Variants in CSMD3 observed in about 807,000 individuals in gnomAD.
The protein encoded by CSMD3 is CUB and Sushi multiple domains 3, also known as CUB and sushi domain-containing protein 3.
CSMD3 carries 177 observed loss-of-function variants against 435.2 expected under a neutral mutation model. That is an observed-to-expected ratio of 0.41 (90% CI 0.36 to 0.46). The LOEUF is 0.46. Ranked by LOEUF, CSMD3 falls within the 20% of genes least tolerant of loss-of-function variation. The pLI, the probability that CSMD3 is intolerant of heterozygous loss-of-function variation, is 0.34. For synonymous variants in CSMD3, 1,656 were observed against 1,520.5 expected, an observed-to-expected ratio of 1.09 and a Z score of -2.07; for missense variants, 4,265 against 4,504.6, an observed-to-expected ratio of 0.95 and a Z score of 1.52.
At chr8:112,934,598 A>G (rs2083220083) in intron 9 of CSMD3, among the ~76,000 whole-genome samples, 1 of 152,210 alleles carries the variant, frequency 6.6e-6, no homozygotes, top group Non-Finnish European at 1.5e-5. Flanking sequence ...TGAGGGTGGT[A>G]ACATAAAATC....
chr8:112,343,475 C>T (rs1365510930), intron 41 of CSMD3, among the ~76,000 whole-genome samples: 1 of 152,096 alleles, frequency 6.6e-6, no homozygotes, highest in East Asian at 1.9e-4. Context: ...TAACGTTCTG[C>T]TTTCCCAAAA....
At chr8:112,505,836 T>C (rs975476789) in intron 29 of CSMD3, among the ~76,000 whole-genome samples, 3 of 152,098 alleles carry the variant, frequency 2.0e-5, no homozygotes. Context: ...TAAGGCTCTT[T>C]AAAATCAGTG....
chr8:112,553,728 T>C (rs1162173814), intron 25 of CSMD3, among the ~76,000 whole-genome samples: 1 of 152,010 alleles, frequency 6.6e-6, no homozygotes, highest in Non-Finnish European at 1.5e-5. Context: ...ATTATTATTA[T>C]TATTAGACCA....
intron 3 of CSMD3, among the ~76,000 whole-genome samples, chr8:113,248,343 C>A (rs1038395116): frequency 6.6e-6 from 1 of 150,482 alleles, no homozygotes; most frequent in African/African-American, 2.4e-5. Context: ...TGTTTAAAAA[C>A]TCTATTGTAT....
intron 3 of CSMD3, among the ~76,000 whole-genome samples, chr8:113,190,661 G>A (rs962529578): frequency 3.3e-5 from 5 of 149,676 alleles, no homozygotes; most frequent in African/African-American, 1.0e-4. Flanking sequence ...ATTTCCTTAT[G>A]GTGGAAAAGA....
intron 8 of CSMD3, among the ~76,000 whole-genome samples, chr8:112,954,265 T>C (rs1288977476): frequency 6.6e-6 from 1 of 151,508 alleles, no homozygotes; most frequent in Non-Finnish European, 1.5e-5. Context: ...GAAATGAAAA[T>C]TGCTATCTTA....
intron 30 of CSMD3, among the ~76,000 whole-genome samples, chr8:112,499,585 C>T (rs1821730493): frequency 1.3e-5 from 2 of 152,044 alleles, no homozygotes; most frequent in Non-Finnish European, 2.9e-5. Flanking sequence ...CAGAATCATA[C>T]ATATCTGATC....
chr8:113,240,195 T>A (rs2093198300), intron 3 of CSMD3, among the ~76,000 whole-genome samples: 1 of 152,286 alleles, frequency 6.6e-6, no homozygotes, highest in Middle Eastern at 3.4e-3. Context: ...TCTCTTTTGG[T>A]TTTATTGCTT....
rs1209143521 is a variant in CSMD3 at position 112,247,013 on chromosome 8, T to G, written c.10222+7A>C. The G allele has an allele frequency of 6.3e-7, 1 of 1,585,512 alleles. No individual in the cohort carries two copies. The highest frequency in any genetic ancestry group is 8.7e-7 in the Non-Finnish European group (1 of 1,154,012). ...TGATAGCATTATTTCTTATCCATAA[T>G]ACTTACGTATGCATTCAGGCTGAAT... On this transcript the variant is annotated splice_region_variant and intron_variant, in intron 64 of 70. Transcript: ENST00000297405.
At chr8:112,538,077 T>A (rs1420385962) in intron 27 of CSMD3, among the ~76,000 whole-genome samples, 1 of 151,916 alleles carries the variant, frequency 6.6e-6, no homozygotes, top group Non-Finnish European at 1.5e-5. Flanking sequence ...ATTAGCAGAA[T>A]CATGGACATA....
At chr8:113,270,586 C>G (rs2093515093) in intron 3 of CSMD3, among the ~76,000 whole-genome samples, 2 of 151,998 alleles carry the variant, frequency 1.3e-5, no homozygotes, top group South Asian at 2.1e-4. Context: ...AAATGTCCAA[C>G]AATGATAGAC....
chr8:112,908,702 C>T (rs2082327636), intron 10 of CSMD3, among the ~76,000 whole-genome samples: 1 of 151,244 alleles, frequency 6.6e-6, no homozygotes, highest in African/African-American at 2.4e-5. Flanking sequence ...GTATTCATAG[C>T]CCAGAATAAA....
At chr8:113,264,514 A>C (rs997775576) in intron 3 of CSMD3, among the ~76,000 whole-genome samples, 2 of 151,332 alleles carry the variant, frequency 1.3e-5, no homozygotes, top group African/African-American at 4.8e-5. Context: ...CATCTTTTTC[A>C]CATGAAGCAC....
intron 13 of CSMD3, among the ~76,000 whole-genome samples, chr8:112,731,992 T>G (rs2132017143): frequency 6.6e-6 from 1 of 152,234 alleles, no homozygotes; most frequent in Admixed American, 6.6e-5. Context: ...ATCATAATTC[T>G]GATTCAGGGC....
chr8:112,971,852 GAAAATA>G (rs1260924310), intron 7 of CSMD3, among the ~76,000 whole-genome samples: 1 of 151,866 alleles, frequency 6.6e-6, no homozygotes, highest in Non-Finnish European at 1.5e-5. Context: ...AGAAAAAGTA[GAAAATA>G]AAAATTTTAA....
At chr8:113,364,469 A>G (rs1280593640) in intron 1 of CSMD3, among the ~76,000 whole-genome samples, 1 of 152,136 alleles carries the variant, frequency 6.6e-6, no homozygotes, top group Non-Finnish European at 1.5e-5. Flanking sequence ...TATTTTACTA[A>G]AACATGTACT....
chr8:112,520,352 A>G (rs904632829), intron 27 of CSMD3, among the ~76,000 whole-genome samples: 2 of 152,060 alleles, frequency 1.3e-5, no homozygotes, highest in African/African-American at 2.4e-5. Flanking sequence ...ATGAGATCTT[A>G]AGATCTCAGA....
Position 112,314,525 on chromosome 8 carries a change from C to A in CSMD3, c.7453G>T (p.Ala2485Ser), listed in dbSNP as rs774666809. Residue 2485 changes from alanine (A) to serine (S), a missense_variant, in exon 48 of 71, where the codon GCA becomes TCA. By Grantham distance (99) the Ala-to-Ser change is moderately conservative. Coordinates refer to ENST00000297405, the MANE Select transcript of CSMD3 (RefSeq NM_198123.2). ...CCCTTTTCCACTGAAATGCTCCATGCACACATTTGAAGATTTGGGTAACTG... is the reference window on the plus strand; with the variant it reads ...CCCTTTTCCACTGAAATGCTCCATGAACACATTTGAAGATTTGGGTAACTG... ...PDSYPNLQMCAWSISVEKGYN... is the reference protein window; with the variant it reads ...PDSYPNLQMCSWSISVEKGYN... 2 of 1,611,282 alleles carry A rather than the reference C, an allele frequency of 1.2e-6. No homozygotes were observed. The highest frequency in any genetic ancestry group is 1.7e-6 in the Non-Finnish European group (2 of 1,177,558).
chr8:112,379,648 G>A (rs552676212), intron 38 of CSMD3, among the ~76,000 whole-genome samples: 1 of 152,064 alleles, frequency 6.6e-6, no homozygotes, highest in Non-Finnish European at 1.5e-5. Flanking sequence ...TCTCTGACAA[G>A]TTTTTCCAAA....
Sources: gnomAD v4.1 joint callset for allele counts (sites outside exome capture counted in the v4.1 genomes callset) on GRCh38, gnomAD v4.1.1 for gene constraint, MANE v1.5 for transcripts, NCBI Gene and HGNC (gene_info 2026-07-23, HGNC 2026-07-21) for gene names.